CFAP299: variants seen among roughly 807,000 people sequenced by gnomAD.
CFAP299 encodes the protein cilia and flagella associated protein 299.
A neutral mutation model predicts 27.0 loss-of-function variants in CFAP299; 21 were observed. That is an observed-to-expected ratio of 0.78 (90% CI 0.55 to 1.12). The LOEUF is 1.12. Among genes scored for constraint, CFAP299 ranks in the 50% most tolerant of loss-of-function variants. The probability of loss-of-function intolerance (pLI) is 0.00; values close to 1 mark genes in which losing one functional copy is unlikely to be tolerated. For synonymous variants in CFAP299, 104 were observed against 98.1 expected, an observed-to-expected ratio of 1.06 and a Z score of -0.36; for missense variants, 310 against 276.6, an observed-to-expected ratio of 1.12 and a Z score of -0.86.
rs190025428 is a variant in CFAP299 at position 80,698,118 on chromosome 4, T to C, written c.333+114935T>C. On this transcript the variant is annotated intron_variant, in intron 3 of 5. Coordinates refer to ENST00000358105, the MANE Select transcript of CFAP299 (RefSeq NM_152770.3). ...ACCTAACACAGACGTCAAATTGAAA[T>C]TCTGGCTTGTAACTTCCTAGTTATG... 5.1e-3 allele frequency among the ~76,000 whole-genome samples: 771 copies of C among 152,300 alleles called. 5 individuals are homozygous for C. Among genetic ancestry groups the C allele is most frequent in the Middle Eastern group, 0.02 (6 of 294 alleles).
intron 2 of CFAP299, among the ~76,000 whole-genome samples, chr4:80,389,803 T>C (rs1560542633): frequency 6.6e-6 from 1 of 152,210 alleles, no homozygotes; most frequent in Non-Finnish European, 1.5e-5. Flanking sequence ...ATTTACTATT[T>C]ACTTCTTTAA....
At chr4:80,523,792 A>T (rs995856614) in intron 2 of CFAP299, among the ~76,000 whole-genome samples, 12 of 152,238 alleles carry the variant, frequency 7.9e-5, no homozygotes, top group African/African-American at 2.4e-4. Context: ...TTCAGCCTCC[A>T]CGATTGTGTG....
the CFAP299 span, among the ~76,000 whole-genome samples, chr4:80,328,064 A>C: frequency 6.6e-6 from 1 of 151,976 alleles, no homozygotes; most frequent in Non-Finnish European, 1.5e-5. Flanking sequence ...CAAGAAAGTA[A>C]TTGGCGACCT....
chr4:80,504,473 A>C, intron 2 of CFAP299, among the ~76,000 whole-genome samples: 10 of 100,020 alleles, frequency 1.0e-4, no homozygotes, highest in Admixed American at 9.5e-4. Flanking sequence ...ATATATATAT[A>C]TATATATATA....
At position 80,386,743 on chromosome 4, in the gene CFAP299, A is replaced by T. The variant is rs1379338556; in HGVS notation, c.242+23859A>T. 4.0e-6 allele frequency: 6 copies of T among 1,508,298 alleles called. No homozygotes were observed. The Admixed American group carries it at 1.0e-4, about 26-fold the overall frequency. 93.4% of individuals were successfully genotyped at this position (1,508,298 alleles called of 1,614,324 possible). A position where few individuals can be genotyped will look rare whatever the true frequency, so the allele number is the denominator to read the frequency against. On this transcript the variant is annotated intron_variant, in intron 2 of 5. Coordinates refer to ENST00000358105, the MANE Select transcript of CFAP299 (RefSeq NM_152770.3). ...GCTTCATGCCGGAGTGGGAGAGGAC[A>T]TGGGCCTTCAGCTTGTCCGGCCGGT...
chr4:80,843,439 G>A (rs771726146), intron 3 of CFAP299, among the ~76,000 whole-genome samples: 1 of 152,006 alleles, frequency 6.6e-6, no homozygotes, highest in Non-Finnish European at 1.5e-5. Context: ...ATAGTATTCC[G>A]TGGTGTATAT....
At chr4:80,696,728 A>G (rs1721119460) in intron 3 of CFAP299, among the ~76,000 whole-genome samples, 2 of 152,168 alleles carry the variant, frequency 1.3e-5, no homozygotes, top group African/African-American at 4.8e-5. Context: ...TGAGACAGTG[A>G]CATTGAGGTG....
intron 2 of CFAP299, among the ~76,000 whole-genome samples, chr4:80,558,356 TTGTTTGTTTG>T (rs1734879006): frequency 7.2e-6 from 1 of 139,328 alleles, no homozygotes; most frequent in African/African-American, 3.0e-5. Context: ...GTTTGTTTGT[TTGTTTGTTTG>T]TTTTTTTTTT....
intron 3 of CFAP299, among the ~76,000 whole-genome samples, chr4:80,800,079 A>T (rs1349518138): frequency 1.4e-5 from 1 of 69,074 alleles, no homozygotes; most frequent in Non-Finnish European, 2.4e-5. Flanking sequence ...ATATAAATAA[A>T]ATATAAATAT....
chr4:80,666,928 T>C (rs1401580210), intron 3 of CFAP299, among the ~76,000 whole-genome samples: 1 of 152,202 alleles, frequency 6.6e-6, no homozygotes, highest in Non-Finnish European at 1.5e-5. Flanking sequence ...CTGAGGTTTG[T>C]CTACCTCGAT....
intron 3 of CFAP299, among the ~76,000 whole-genome samples, chr4:80,836,701 G>T (rs1191605244): frequency 6.6e-6 from 1 of 152,108 alleles, no homozygotes; most frequent in African/African-American, 2.4e-5. Context: ...CAAGGAAAGT[G>T]ACATATTTAG....
intron 2 of CFAP299, among the ~76,000 whole-genome samples, chr4:80,383,658 G>A (rs1389611966): frequency 6.6e-6 from 1 of 152,058 alleles, no homozygotes. Context: ...GTCTTGGATT[G>A]CCCTCCTTGC....
At chr4:80,807,521 A>G (rs990929835) in intron 3 of CFAP299, among the ~76,000 whole-genome samples, 2 of 152,136 alleles carry the variant, frequency 1.3e-5, no homozygotes, top group Non-Finnish European at 2.9e-5. Flanking sequence ...AATGACTCAA[A>G]TGCAAATATG....
At chr4:80,824,187 T>G (rs867449501) in intron 3 of CFAP299, among the ~76,000 whole-genome samples, 51 of 152,280 alleles carry the variant, frequency 3.3e-4, no homozygotes, top group South Asian at 1.0e-3. Context: ...TATGAATACT[T>G]TGGAACTTTT....
At chr4:80,442,898 AC>A (rs1170077319) in intron 2 of CFAP299, among the ~76,000 whole-genome samples, 1 of 152,244 alleles carries the variant, frequency 6.6e-6, no homozygotes, top group Non-Finnish European at 1.5e-5. Flanking sequence ...ATTGGAGAAT[AC>A]TATAAACACC....
chr4:80,626,933 A>G lies in CFAP299; in HGVS notation c.333+43750A>G, dbSNP rs1373631361. Among the ~76,000 whole-genome samples, 4 of 151,840 alleles carry G rather than the reference A, an allele frequency of 2.6e-5. No individual in the cohort carries two copies. The East Asian group carries it at 7.7e-4, about 29-fold the overall frequency. ...AATATTTAAAGAAGAACTAATAAAA[A>G]TTTTGCTTAACTCTTCCAAAAAATT... On this transcript the variant is annotated intron_variant, in intron 3 of 5. Coordinates refer to ENST00000358105, the MANE Select transcript of CFAP299 (RefSeq NM_152770.3).
intron 2 of CFAP299, among the ~76,000 whole-genome samples, chr4:80,444,565 C>T (rs537011302): frequency 1.3e-5 from 2 of 152,172 alleles, no homozygotes; most frequent in African/African-American, 4.8e-5. Flanking sequence ...ACACCTAAAA[C>T]CATAAAAACC....
At chr4:80,681,965 C>T (rs1219993223) in intron 3 of CFAP299, among the ~76,000 whole-genome samples, 1 of 152,092 alleles carries the variant, frequency 6.6e-6, no homozygotes, top group Non-Finnish European at 1.5e-5. Flanking sequence ...AATTTACCAC[C>T]TCAGGAGTTG....
At chr4:80,883,014 A>G (rs894955648) in intron 4 of CFAP299, among the ~76,000 whole-genome samples, 6 of 152,154 alleles carry the variant, frequency 3.9e-5, no homozygotes, top group Admixed American at 3.9e-4. Flanking sequence ...TAGATAAAAT[A>G]TAATAATGGT....
Sources: allele counts gnomAD v4.1 joint callset (sites outside exome capture counted in the v4.1 genomes callset), GRCh38; gene constraint gnomAD v4.1.1; transcripts MANE v1.5; gene names NCBI Gene and HGNC (gene_info 2026-07-23, HGNC 2026-07-21).